Variants in F10 observed in about 807,000 individuals in gnomAD.
F10 encodes coagulation factor X, also known as Stuart-Prower factor.
A neutral mutation model predicts 37.1 loss-of-function variants in F10; 29 were observed. That is an observed-to-expected ratio of 0.78 (90% CI 0.58 to 1.07). The LOEUF (loss-of-function observed/expected upper bound fraction) is 1.07, where lower values mean the gene tolerates loss of function less well. Among genes scored for constraint, F10 ranks in the 50% least tolerant of loss-of-function variants. The pLI is 0.00. For missense variants in F10, 539 were observed against 667.9 expected, an observed-to-expected ratio of 0.81 and a Z score of 2.13; for synonymous variants, 262 against 268.6, an observed-to-expected ratio of 0.98 and a Z score of 0.24.
At position 113,143,616 on chromosome 13, in the gene F10, G is replaced by A. The variant is rs991102320; in HGVS notation, c.503-235G>A. On this transcript the variant is annotated intron_variant, in intron 5 of 7. Coordinates refer to ENST00000375559, the MANE Select transcript of F10 (RefSeq NM_000504.4). This position sits in a 1 kb window ranked among gnomAD's most constrained non-coding sequence, Gnocchi z 6.8. ...CTCGCTGCCTGGGTTGCTGCCTGGC[G>A]TCCATTGTTCACAGGCGGTCACCTG... is the stretch of plus-strand genomic sequence containing the variant. Among the ~76,000 whole-genome samples, 7 of 152,136 alleles carry A rather than the reference G, an allele frequency of 4.6e-5. No individual in the cohort carries two copies. The highest frequency in any genetic ancestry group is 1.0e-4 in the Non-Finnish European group (7 of 68,034).
At chr13:113,132,932 A>G (rs2036447006) in intron 2 of F10, among the ~76,000 whole-genome samples, 1 of 152,258 alleles carries the variant, frequency 6.6e-6, no homozygotes, top group Non-Finnish European at 1.5e-5. Context: ...AATTACTAAC[A>G]GAAAAATAAC....
Position 113,146,085 on chromosome 13 carries a change from G to T in F10, c.748-1294G>T, listed in dbSNP as rs1200999626. On this transcript the variant is annotated intron_variant, in intron 6 of 7. Transcript: ENST00000375559. The surrounding 1 kb of genome is among the most constrained non-coding windows in gnomAD (Gnocchi z 4.5). Reference sequence around the variant, plus strand: ...CTTCCCCCACCCCAGACCGTGTGGCGGGTGAGCCTCTGTCTAACTATAAAG... The same window carrying T: ...CTTCCCCCACCCCAGACCGTGTGGCTGGTGAGCCTCTGTCTAACTATAAAG... Among the ~76,000 whole-genome samples, 2 of 152,194 alleles carry T rather than the reference G, an allele frequency of 1.3e-5. No homozygotes were observed. The highest frequency in any genetic ancestry group is 2.9e-5 in the Non-Finnish European group (2 of 68,034).
intron 7 of F10, 80 bp downstream of exon 7, chr13:113,147,576 A>C: frequency 1.1e-6 from 1 of 893,532 alleles, no homozygotes; most frequent in Non-Finnish European, 1.9e-6. Context: ...AAGCTGATGG[A>C]ATTTGTTGGG....
chr13:113,125,930 C>T (rs986109794), intron 1 of F10, among the ~76,000 whole-genome samples: 3 of 149,650 alleles, frequency 2.0e-5, no homozygotes, highest in African/African-American at 4.9e-5. Context: ...GAAAGAGACA[C>T]GAGTGGGGGC....
chr13:113,148,055 T>C (rs2138555138), intron 7 of F10, among the ~76,000 whole-genome samples: 1 of 152,166 alleles, frequency 6.6e-6, no homozygotes, highest in South Asian at 2.1e-4. Flanking sequence ...ACAGGCTGGG[T>C]GTGGTGGCTC....
intron 2 of F10, among the ~76,000 whole-genome samples, chr13:113,136,513 A>G (rs2036479466): frequency 6.6e-6 from 1 of 151,416 alleles, no homozygotes; most frequent in Admixed American, 6.6e-5. Context: ...GCTGGGGTGC[A>G]ATGGCACAAT....
chr13:113,147,529 A>G lies in F10; in HGVS notation c.865+33A>G, dbSNP rs2031184. 0.99 allele frequency: 1,328,685 copies of G among 1,345,604 alleles called. 657,369 individuals carry two copies. Among genetic ancestry groups the G allele is most frequent in the East Asian group, 1 (43,837 of 43,838 alleles). 83.4% of individuals were successfully genotyped at this position (1,345,604 alleles called of 1,614,324 possible). On this transcript the variant is annotated intron_variant, in intron 7 of 7. Coordinates refer to ENST00000375559, the MANE Select transcript of F10 (RefSeq NM_000504.4). Reference sequence around the variant, plus strand: ...ACCAACAGCCCCCAGGGCCGTGGTGAGGGGCACCGTCACTGTCTGCTTTTC... The same window carrying G: ...ACCAACAGCCCCCAGGGCCGTGGTGGGGGGCACCGTCACTGTCTGCTTTTC...
chr13:113,145,382 A>C (rs2036573356), intron 6 of F10, among the ~76,000 whole-genome samples: 3 of 152,238 alleles, frequency 2.0e-5, no homozygotes, highest in African/African-American at 2.4e-5. Flanking sequence ...ATAAAAGCAC[A>C]ATACTTTCAA....
chr13:113,148,345 AATAT>A (rs1555396300), intron 7 of F10, among the ~76,000 whole-genome samples: 2 of 95,436 alleles, frequency 2.1e-5, no homozygotes, highest in African/African-American at 7.9e-5. Context: ...AAAAAAAAAA[AATAT>A]ATATATATAT....
Position 113,129,534 on chromosome 13 carries a change from A to G in F10, c.153A>G (p.Gly51=). 6.2e-7 allele frequency: 1 copy of G among 1,614,204 alleles called. No homozygotes were observed. Among genetic ancestry groups the G allele is most frequent in the Non-Finnish European group, 8.5e-7 (1 of 1,180,042 alleles). Residue 51 remains glycine (G), a synonymous_variant, in exon 2 of 8, where the codon GGA becomes GGG. Coordinates refer to ENST00000375559, the MANE Select transcript of F10 (RefSeq NM_000504.4). The stretch of plus-strand genomic sequence containing the variant: ...CCTTTCTTGAAGAGATGAAGAAAGG[A>G]CACCTCGAAAGAGAGTGCATGGAAG... ...ANSFLEEMKK[G]HLERECMEET... is the part of the protein sequence containing the mutation.
chr13:113,142,752 C>A (rs1595095429), intron 5 of F10, among the ~76,000 whole-genome samples: 1 of 115,436 alleles, frequency 8.7e-6, no homozygotes, highest in South Asian at 2.7e-4. Flanking sequence ...ATGGTGAAAC[C>A]CTGTCTCTAT....
chr13:113,142,352 C>T (rs12871886), intron 5 of F10, among the ~76,000 whole-genome samples: 47,679 of 148,696 alleles, frequency 0.32, 8,088 homozygotes, highest in African/African-American at 0.41. Context: ...CCATCCTGGC[C>T]AACACAGTGA....
rs911204721 is a variant in F10 at position 113,146,324 on chromosome 13, G to A, written c.748-1055G>A. Among the ~76,000 whole-genome samples the A allele has an allele frequency of 1.1e-4, 17 of 152,206 alleles. 1 individual carries two copies. The highest frequency in any genetic ancestry group is 3.9e-4 in the East Asian group (2 of 5,156). ...ACTGTGTGGTTGGGGCAAGAACCTC[G>A]ATGCAGGAGACCCCACCGAGGATGA... On this transcript the variant is annotated intron_variant, in intron 6 of 7. Transcript: ENST00000375559. This position sits in a 1 kb window ranked among gnomAD's most constrained non-coding sequence, Gnocchi z 4.5.
chr13:113,149,016 C>G lies in F10; in HGVS notation c.966C>G (p.Asp322Glu). The change falls in exon 8 of 8, where the codon GAC (aspartate) becomes GAG (glutamate). Residue 322 changes from aspartate (D) to glutamate (E), a missense_variant. Around this residue, in one of 2 missense-constraint regions of F10, gnomAD observed 409 missense variants for 547.9 expected, o/e 0.75. Transcript: ENST00000375559. This position sits in a 1 kb window ranked among gnomAD's most constrained non-coding sequence, Gnocchi z 7.5. The part of the protein sequence containing the change: ...NRFTKETYDF[D>E]IAVLRLKTPI... ...TCACAAAGGAGACCTATGACTTCGA[C>G]ATCGCCGTGCTCCGGCTCAAGACCC... The G allele has an allele frequency of 6.2e-7, 1 of 1,613,548 alleles. No homozygotes were observed. The highest frequency in any genetic ancestry group is 8.5e-7 in the Non-Finnish European group (1 of 1,180,016).
At position 113,144,337 on chromosome 13, in the gene F10, C is replaced by T; in HGVS notation, c.747+242C>T. 1.7e-6 allele frequency: 1 copy of T among 597,216 alleles called. No homozygotes were observed. Among genetic ancestry groups the T allele is most frequent in the South Asian group, 2.0e-5 (1 of 50,974 alleles). 37.0% of individuals were successfully genotyped at this position (597,216 alleles called of 1,614,324 possible). A position where few individuals can be genotyped will look rare whatever the true frequency, so the allele number is the denominator to read the frequency against. On this transcript the variant is annotated intron_variant, in intron 6 of 7. Transcript: ENST00000375559. This position sits in a 1 kb window ranked among gnomAD's most constrained non-coding sequence, Gnocchi z 6.4. Reference sequence around the variant, plus strand: ...AGAGGCTGGGCCCAGGCAACGCCCCCCTCAGCCCCTTCCCACTGGGCATTT... The same window carrying T: ...AGAGGCTGGGCCCAGGCAACGCCCCTCTCAGCCCCTTCCCACTGGGCATTT...
In F10 at chr13:113,143,249, C is replaced by T. The variant is rs1415579610; in HGVS notation, c.503-602C>T. ...TCTTGGCCTTGGTGCCCTAATTGGC[C>T]GTTATACAAAAGGAAGCTTCCTAAC... On this transcript the variant is annotated intron_variant, in intron 5 of 7. Transcript: ENST00000375559. The surrounding 1 kb of genome is among the most constrained non-coding windows in gnomAD (Gnocchi z 6.8). Among the ~76,000 whole-genome samples, 1 of 151,964 alleles carries T rather than the reference C, an allele frequency of 6.6e-6. No homozygotes were observed. Among genetic ancestry groups the T allele is most frequent in the Admixed American group, 6.6e-5 (1 of 15,266 alleles).
rs377651520 is a variant in F10, at chr13:113,137,004, C to T, written c.232-1453C>T. ...TTCACCATGTTGGCCAGGCTGGTCT[C>T]GAACTCCTGACCTCAAGTGATCCAC... On this transcript the variant is annotated intron_variant, in intron 2 of 7. Coordinates refer to ENST00000375559, the MANE Select transcript of F10 (RefSeq NM_000504.4). 6.9e-4 allele frequency among the ~76,000 whole-genome samples: 105 copies of T among 151,402 alleles called. 1 individual carries two copies. In the South Asian group the frequency reaches 0.02, roughly 29 times the overall value.
rs1016609420 is a variant in F10 at position 113,144,748 on chromosome 13, C to T, written c.747+653C>T. Among the ~76,000 whole-genome samples, 2 of 152,236 alleles carry T rather than the reference C, an allele frequency of 1.3e-5. No homozygotes were observed. The highest frequency in any genetic ancestry group is 2.4e-5 in the African/African-American group (1 of 41,462). On this transcript the variant is annotated intron_variant, in intron 6 of 7. Coordinates refer to ENST00000375559, the MANE Select transcript of F10 (RefSeq NM_000504.4). The surrounding 1 kb of genome is among the most constrained non-coding windows in gnomAD (Gnocchi z 6.4). ...TTTTGTTAAGAGACAGTACCTTGCTCTGTTGCCCAGGCTGGAGTGCAGTGT... is the reference window on the plus strand; with the variant it reads ...TTTTGTTAAGAGACAGTACCTTGCTTTGTTGCCCAGGCTGGAGTGCAGTGT...
chr13:113,143,738 T>TC lies in F10; in HGVS notation c.503-113_503-112insC. ...CCTGCAAGCCCGCTGCCCCTCCGGG[T>TC]GCCCCTGCGCTCTGCCTCCCGGCTC... On this transcript the variant is annotated intron_variant, in intron 5 of 7. Coordinates refer to ENST00000375559, the MANE Select transcript of F10 (RefSeq NM_000504.4). This position sits in a 1 kb window ranked among gnomAD's most constrained non-coding sequence, Gnocchi z 6.8. 843 of 1,420,314 alleles carry TC rather than the reference T, an allele frequency of 5.9e-4. No individual in the cohort carries two copies. The highest frequency in any genetic ancestry group is 4.5e-3 in the Admixed American group (219 of 48,788). 88.0% of individuals were successfully genotyped at this position (1,420,314 alleles called of 1,614,324 possible).
Sources: allele counts gnomAD v4.1 joint callset (sites outside exome capture counted in the v4.1 genomes callset), GRCh38; gene constraint gnomAD v4.1.1; regional missense constraint gnomAD v4.1.1; non-coding constraint Gnocchi (gnomAD v3.1); transcripts MANE v1.5; gene names NCBI Gene and HGNC (gene_info 2026-07-23, HGNC 2026-07-21).